The following TGM5 variants were observed in gnomAD, a reference collection of about 807,000 sequenced individuals.
The protein encoded by TGM5 is protein-glutamine gamma-glutamyltransferase 5.
A neutral mutation model predicts 77.2 loss-of-function variants in TGM5; 69 were observed. The observed-to-expected ratio is 0.89, with a 90% CI of 0.74 to 1.09. The LOEUF (loss-of-function observed/expected upper bound fraction) is 1.09. Among genes scored for constraint, TGM5 ranks in the 50% least tolerant of loss-of-function variants. TGM5 has a pLI of 0.00. For missense variants in TGM5, 842 were observed against 896.5 expected (o/e 0.94, Z 0.78); for synonymous variants, 346 against 351.8 (o/e 0.98, Z 0.18).
rs201805126 is a variant in TGM5 at position 43,240,864 on chromosome 15, T to A, written c.989A>T (p.Lys330Met). Reference protein sequence around the residue: ...NTGRILGNKKKDTIWNFHVWN... With the variant: ...NTGRILGNKKMDTIWNFHVWN... ...GGTTGTTTCTCACCAGATAGTATCC[T>A]TCTTCTTATTCCCCAAAATCCTGCC... is the stretch of plus-strand genomic sequence containing the variant. Residue 330 changes from lysine to methionine, a missense_variant, in exon 7 of 13, where the codon AAG (lysine) becomes ATG (methionine). Coordinates refer to ENST00000220420, the MANE Select transcript of TGM5 (RefSeq NM_201631.4). The A allele has an allele frequency of 2.1e-4, 344 of 1,614,160 alleles. 6 individuals carry two copies. In the South Asian group the frequency reaches 2.5e-3, roughly 12 times the overall value.
chr15:43,239,040 G>A lies in TGM5; in HGVS notation c.1122C>T (p.Gly374=), dbSNP rs775371115. The change falls in exon 9 of 13, where the codon GGC becomes GGT. Residue 374 remains glycine (G), a synonymous_variant. Transcript: ENST00000220420. ...CTTTGATGGCTCTGACAGAGGCAGG[G>A]CCACAGCAGTAGACGCCTGAAGGAG... ...QEMSNGVYCC[G]PASVRAIKEG... 3 of 1,613,950 alleles carry A rather than the reference G, an allele frequency of 1.9e-6. No homozygotes were observed. The highest frequency in any genetic ancestry group is 1.7e-6 in the Non-Finnish European group (2 of 1,180,028).
At chr15:43,247,935 T>A (rs1403697056) in intron 6 of TGM5, among the ~76,000 whole-genome samples, 2 of 152,190 alleles carry the variant, frequency 1.3e-5, no homozygotes, top group African/African-American at 2.4e-5. Context: ...ATTAAACACA[T>A]TAAAATGTTT....
chr15:43,243,186 G>T (rs994460180), intron 6 of TGM5, among the ~76,000 whole-genome samples: 1 of 152,218 alleles, frequency 6.6e-6, no homozygotes, highest in African/African-American at 2.4e-5. Context: ...GTCTTCCTGA[G>T]GGCAGGGATT....
At chr15:43,245,508 T>C (rs772586390) in intron 6 of TGM5, among the ~76,000 whole-genome samples, 8 of 152,138 alleles carry the variant, frequency 5.3e-5, no homozygotes, top group Non-Finnish European at 1.2e-4. Flanking sequence ...GGAAATGAAA[T>C]CTTATTTGTT....
At chr15:43,258,865 G>C (rs2042763459) in intron 3 of TGM5, among the ~76,000 whole-genome samples, 1 of 152,190 alleles carries the variant, frequency 6.6e-6, no homozygotes, top group African/African-American at 2.4e-5. Flanking sequence ...GAGAGAGAGA[G>C]AGAGAGAGAT....
intron 6 of TGM5, among the ~76,000 whole-genome samples, chr15:43,242,612 T>C (rs1169909676): frequency 6.6e-6 from 1 of 152,264 alleles, no homozygotes; most frequent in Non-Finnish European, 1.5e-5. Context: ...CCTCTTCTTA[T>C]TCTGCACTTT....
chr15:43,261,526 A>G (rs148618839), intron 1 of TGM5, among the ~76,000 whole-genome samples: 2 of 152,304 alleles, frequency 1.3e-5, no homozygotes, highest in African/African-American at 4.8e-5. Flanking sequence ...GCTAAAACAC[A>G]GACTGACCTC....
At chr15:43,236,563 C>T (rs933932731) in intron 9 of TGM5, among the ~76,000 whole-genome samples, 49 of 152,190 alleles carry the variant, frequency 3.2e-4, no homozygotes, top group African/African-American at 1.1e-3. Context: ...CCCTTCAATG[C>T]ATTTGCCACA....
intron 3 of TGM5, 115 bp from the exon 4 acceptor site, chr15:43,256,801 C>T: frequency 5.0e-6 from 4 of 796,246 alleles, no homozygotes; most frequent in South Asian, 4.1e-5. Context: ...CCTGGCGACA[C>T]CAAGAGGGGC....
At chr15:43,241,099 G>A (rs2042633047) in intron 6 of TGM5, 109 bp from the exon 7 acceptor site, 5 of 1,403,404 alleles carry the variant, frequency 3.6e-6, no homozygotes, top group Non-Finnish European at 5.0e-6. Context: ...CCATCTGCAG[G>A]AACATGCTGG....
intron 6 of TGM5, 154 bp from the exon 7 acceptor site, chr15:43,241,144 A>T (rs2042633299): frequency 9.9e-7 from 1 of 1,010,194 alleles, no homozygotes; most frequent in East Asian, 2.6e-5. Context: ...GATATTTCCA[A>T]CTTCCTTCCC....
chr15:43,260,362 GACAC>G, intron 2 of TGM5, 34 bp downstream of exon 2: 1 of 1,614,136 alleles, frequency 6.2e-7, no homozygotes, highest in Non-Finnish European at 8.5e-7. Flanking sequence ...TCCCCTCCCA[GACAC>G]ACACAGCCCC....
chr15:43,241,096 C>T, intron 6 of TGM5, 106 bp from the exon 7 acceptor site: 1 of 1,438,988 alleles, frequency 6.9e-7, no homozygotes, highest in Non-Finnish European at 9.6e-7. Context: ...TTGCCATCTG[C>T]AGGAACATGC....
intron 4 of TGM5, among the ~76,000 whole-genome samples, chr15:43,256,331 G>A (rs1183116231): frequency 6.6e-6 from 1 of 152,202 alleles, no homozygotes; most frequent in Non-Finnish European, 1.5e-5. Context: ...TGGGTGAGGT[G>A]CCTTTAACTG....
At chr15:43,234,956 G>A (rs1318579350) in intron 10 of TGM5, 27 bp from the exon 11 acceptor site, 3 of 1,612,572 alleles carry the variant, frequency 1.9e-6, no homozygotes, top group Middle Eastern at 3.3e-4. Context: ...AGGATGGGGT[G>A]AGAGTAGCTG....
At position 43,235,737 on chromosome 15, in the gene TGM5, C is replaced by T. The variant is rs2142353178; in HGVS notation, c.1446G>A (p.Arg482=). ...GGCTGTCCTGGCTCAGTGATGTGGGCCTGGAAGGTTGCAACTCTGCTCCTC... is the reference window on the plus strand; with the variant it reads ...GGCTGTCCTGGCTCAGTGATGTGGGTCTGGAAGGTTGCAACTCTGCTCCTC... ...SQRGAELQPS[R]PTSLSQDSPR... The change falls in exon 10 of 13, where the codon AGG becomes AGA. Residue 482 remains arginine (R), a synonymous_variant. Coordinates refer to ENST00000220420, the MANE Select transcript of TGM5 (RefSeq NM_201631.4). 1 of 1,614,138 alleles carries T rather than the reference C, an allele frequency of 6.2e-7. No homozygotes were observed. The highest frequency in any genetic ancestry group is 8.5e-7 in the Non-Finnish European group (1 of 1,180,042).
intron 4 of TGM5, 87 bp from the exon 5 acceptor site, chr15:43,253,721 G>A: frequency 6.4e-7 from 1 of 1,551,442 alleles, no homozygotes; most frequent in South Asian, 1.1e-5. Context: ...CAACCCTAGT[G>A]GAATATAAAC....
intron 6 of TGM5, chr15:43,247,776 C>A (rs759446044): frequency 6.6e-6 from 1 of 152,032 alleles, no homozygotes; most frequent in Non-Finnish European, 1.5e-5. Context: ...ACTTGACTAG[C>A]CCTAAAAAAT....
intron 1 of TGM5, among the ~76,000 whole-genome samples, chr15:43,265,783 G>A (rs917594931): frequency 6.6e-6 from 1 of 152,174 alleles, no homozygotes; most frequent in East Asian, 1.9e-4. Context: ...CCGGAAAATT[G>A]AAAACAACCT....
Sources: gnomAD v4.1 joint callset for allele counts (sites outside exome capture counted in the v4.1 genomes callset) on GRCh38, gnomAD v4.1.1 for gene constraint, MANE v1.5 for transcripts, NCBI Gene and HGNC (gene_info 2026-07-23, HGNC 2026-07-21) for gene names.